Variants in ARHGEF7 observed in about 807,000 individuals in gnomAD.
ARHGEF7 encodes the protein Rho guanine nucleotide exchange factor 7.
Under a neutral mutation model 109.8 loss-of-function variants are expected in ARHGEF7, and 33 were observed. That is an observed-to-expected ratio of 0.30 (90% confidence interval 0.23 to 0.40). ARHGEF7 has a LOEUF of 0.40. Ranked by LOEUF, ARHGEF7 falls within the 10% of genes least tolerant of loss-of-function variation. The pLI is 1.00. For missense variants in ARHGEF7, 938 were observed against 1,098.5 expected, an observed-to-expected ratio of 0.85 and a Z score of 2.07; for synonymous variants, 458 against 424.6, an observed-to-expected ratio of 1.08 and a Z score of -0.97.
intron 19 of ARHGEF7, among the ~76,000 whole-genome samples, chr13:111,296,680 A>C (rs2093435056): frequency 6.6e-6 from 1 of 152,228 alleles, no homozygotes; most frequent in South Asian, 2.1e-4. Flanking sequence ...GATGTTAATA[A>C]TGATATTTAA....
intron 2 of ARHGEF7, among the ~76,000 whole-genome samples, chr13:111,154,566 C>A (rs2076155624): frequency 6.6e-6 from 1 of 152,210 alleles, no homozygotes; most frequent in Non-Finnish European, 1.5e-5. Flanking sequence ...AGAGAATTCA[C>A]ATTAACCAGT....
chr13:111,152,920 G>A (rs948868421), intron 1 of ARHGEF7, among the ~76,000 whole-genome samples: 46 of 152,296 alleles, frequency 3.0e-4, no homozygotes, highest in African/African-American at 9.9e-4. Flanking sequence ...TGTTGCTGGT[G>A]GCCCTCACAA....
intron 8 of ARHGEF7, among the ~76,000 whole-genome samples, chr13:111,257,739 G>A (rs141062389): frequency 3.3e-5 from 5 of 152,374 alleles, no homozygotes; most frequent in Non-Finnish European, 7.3e-5. Flanking sequence ...TTCGGCAGCA[G>A]CCACGTAGCA....
rs769746627 is a variant in ARHGEF7, at chr13:111,255,798, G to A, written c.950+11504G>A. Among the ~76,000 whole-genome samples the A allele has an allele frequency of 3.7e-4, 56 of 152,268 alleles. No individual in the cohort carries two copies. Among genetic ancestry groups the A allele is most frequent in the Non-Finnish European group, 6.5e-4 (44 of 68,020 alleles). The stretch of plus-strand genomic sequence containing the variant: ...ATTTTATGACTGTCTTTAACTGGGG[G>A]ATATTTTTCCTGTGGAAGGTGGGGT... On this transcript the variant is annotated intron_variant, in intron 8 of 21. Transcript: ENST00000646102. This position sits in a 1 kb window ranked among gnomAD's most constrained non-coding sequence, Gnocchi z 4.1.
rs144684839 is a variant in ARHGEF7, at chr13:111,298,733, G to A, written c.2312-2015G>A. On this transcript the variant is annotated intron_variant, in intron 19 of 21. Transcript: ENST00000646102. Reference sequence around the variant, plus strand: ...GTGGGTGGACTGTGGCCCAGGGGACGCATGTGAGGAGCTGGGCCCTCTCCT... The same window carrying A: ...GTGGGTGGACTGTGGCCCAGGGGACACATGTGAGGAGCTGGGCCCTCTCCT... 2.3e-3 allele frequency among the ~76,000 whole-genome samples: 357 copies of A among 152,352 alleles called. 3 individuals are homozygous for A. Among genetic ancestry groups the A allele is most frequent in the African/African-American group, 8.1e-3 (338 of 41,590 alleles).
chr13:111,273,105 C>T lies in ARHGEF7; in HGVS notation c.1074-709C>T, dbSNP rs1410754084. 6.6e-6 allele frequency among the ~76,000 whole-genome samples: 1 copy of T among 152,224 alleles called. No individual in the cohort carries two copies. Among genetic ancestry groups the T allele is most frequent in the Non-Finnish European group, 1.5e-5 (1 of 68,046 alleles). On this transcript the variant is annotated intron_variant, in intron 9 of 21. Transcript: ENST00000646102. This position sits in a 1 kb window ranked among gnomAD's most constrained non-coding sequence, Gnocchi z 4.5. ...GTTTCTATGTCCATACACAGGGACACCTTCCTTCCTTACGTGTTGTGAGGA... is the reference window on the plus strand; with the variant it reads ...GTTTCTATGTCCATACACAGGGACATCTTCCTTCCTTACGTGTTGTGAGGA...
intron 9 of ARHGEF7, among the ~76,000 whole-genome samples, chr13:111,270,327 C>T (rs767706110): frequency 3.3e-5 from 5 of 152,170 alleles, no homozygotes. Flanking sequence ...CCACTGTGTA[C>T]GGGCTGCTGG....
chr13:111,158,641 G>A (rs1304729698), intron 2 of ARHGEF7, among the ~76,000 whole-genome samples: 1 of 152,124 alleles, frequency 6.6e-6, no homozygotes, highest in Non-Finnish European at 1.5e-5. Context: ...GTTGGCTTTT[G>A]GTCTCTCAGA....
At position 111,239,035 on chromosome 13, in the gene ARHGEF7, A is replaced by G. The variant is rs974487559; in HGVS notation, c.760-4837A>G. On this transcript the variant is annotated intron_variant, in intron 6 of 21. Coordinates refer to ENST00000646102, the MANE Select transcript of ARHGEF7 (RefSeq NM_001354046.2). The surrounding 1 kb of genome is among the most constrained non-coding windows in gnomAD (Gnocchi z 4.3). The stretch of plus-strand genomic sequence containing the variant: ...AGCAGTGGGAGAGAGAATGAGTGCC[A>G]ACAGGGGAAATGCCAGATGCTTATA... Among the ~76,000 whole-genome samples, 6 of 152,162 alleles carry G rather than the reference A, an allele frequency of 3.9e-5. No homozygotes were observed. Among genetic ancestry groups the G allele is most frequent in the African/African-American group, 1.4e-4 (6 of 41,444 alleles).
intron 2 of ARHGEF7, among the ~76,000 whole-genome samples, chr13:111,201,451 G>A (rs559567396): frequency 1.3e-5 from 2 of 152,234 alleles, no homozygotes; most frequent in East Asian, 3.9e-4. Context: ...TTGTACTTTG[G>A]GGCTTCATTT....
At chr13:111,155,671 TATC>T (rs1356986928) in intron 2 of ARHGEF7, among the ~76,000 whole-genome samples, 3 of 152,260 alleles carry the variant, frequency 2.0e-5, no homozygotes, top group African/African-American at 7.2e-5. Flanking sequence ...TTTATTATAT[TATC>T]CTCTTGAAAC....
intron 3 of ARHGEF7, among the ~76,000 whole-genome samples, chr13:111,209,105 A>G (rs778930341): frequency 1.3e-5 from 2 of 152,170 alleles, no homozygotes; most frequent in Non-Finnish European, 2.9e-5. Flanking sequence ...GGTTGCTTTC[A>G]TGGAAGCCTC....
In ARHGEF7 at chr13:111,115,676, C is replaced by T. The variant is rs1211508818; in HGVS notation, c.150C>T (p.Pro50=). The change falls in exon 1 of 22, where the codon CCC becomes CCT. Residue 50 remains proline (P), a synonymous_variant. Transcript: ENST00000646102. Reference sequence around the variant, plus strand: ...GCAGGCTGCTGGAGCGCCTGCTCCCCGGGACCATCGAGAAAGTAAGTCCCG... The same window carrying T: ...GCAGGCTGCTGGAGCGCCTGCTCCCTGGGACCATCGAGAAAGTAAGTCCCG... ...VLCRLLERLL[P]GTIEKVYPEP... 3 of 1,275,908 alleles carry T rather than the reference C, an allele frequency of 2.4e-6. No homozygotes were observed. Among genetic ancestry groups the T allele is most frequent in the Non-Finnish European group, 3.0e-6 (3 of 1,003,920 alleles). 79.0% of individuals were successfully genotyped at this position (1,275,908 alleles called of 1,614,324 possible).
Position 111,246,302 on chromosome 13 carries a change from A to G in ARHGEF7, c.950+2008A>G, listed in dbSNP as rs2088839230. 1.3e-5 allele frequency among the ~76,000 whole-genome samples: 2 copies of G among 152,194 alleles called. 1 individual carries two copies. Among genetic ancestry groups the G allele is most frequent in the South Asian group, 4.1e-4 (2 of 4,830 alleles). On this transcript the variant is annotated intron_variant, in intron 8 of 21. Coordinates refer to ENST00000646102, the MANE Select transcript of ARHGEF7 (RefSeq NM_001354046.2). ...TATAACCCCCAGAAAAGACTACAGTACATTATTTCCTTGGATTTCGGTTGG... is the reference window on the plus strand; with the variant it reads ...TATAACCCCCAGAAAAGACTACAGTGCATTATTTCCTTGGATTTCGGTTGG...
chr13:111,203,167 CAA>C, intron 2 of ARHGEF7: 1 of 1,173,762 alleles, frequency 8.5e-7, no homozygotes. Flanking sequence ...ACAAAATTGA[CAA>C]AATAAAAAAT....
chr13:111,276,465 A>G (rs2092488921), intron 12 of ARHGEF7, among the ~76,000 whole-genome samples: 1 of 152,198 alleles, frequency 6.6e-6, no homozygotes, highest in South Asian at 2.1e-4. Context: ...AAAACTTCAC[A>G]TCTTTTCAGA....
chr13:111,201,865 C>T lies in ARHGEF7; in HGVS notation c.253-3424C>T, dbSNP rs571016914. On this transcript the variant is annotated intron_variant, in intron 2 of 21. Transcript: ENST00000646102. ...GCGGTTCAGTGTTAGACCATGGGAA[C>T]TCCCCTCCCCGCCACTTTTAAGAAG... Among the ~76,000 whole-genome samples, 487 of 152,228 alleles carry T rather than the reference C, an allele frequency of 3.2e-3. 1 individual carries two copies. Among genetic ancestry groups the T allele is most frequent in the Non-Finnish European group, 5.6e-3 (379 of 67,998 alleles).
chr13:111,154,503 T>C (rs2076148296), intron 2 of ARHGEF7, among the ~76,000 whole-genome samples: 1 of 152,226 alleles, frequency 6.6e-6, no homozygotes, highest in Admixed American at 6.5e-5. Flanking sequence ...CTGCTTTTTC[T>C]TCCTGAGACC....
chr13:111,289,674 A>G (rs573218014), intron 18 of ARHGEF7, among the ~76,000 whole-genome samples: 14 of 152,322 alleles, frequency 9.2e-5, no homozygotes, highest in African/African-American at 2.9e-4. Flanking sequence ...TAATGCTGAG[A>G]AAAGGAGAGA....
Sources: allele counts gnomAD v4.1 joint callset (sites outside exome capture counted in the v4.1 genomes callset), GRCh38; gene constraint gnomAD v4.1.1; non-coding constraint Gnocchi (gnomAD v3.1); transcripts MANE v1.5; gene names NCBI Gene and HGNC (gene_info 2026-07-23, HGNC 2026-07-21).